ADAMTSL1: variants seen among roughly 807,000 people sequenced by gnomAD.
ADAMTSL1 encodes ADAMTS-like protein 1.
In ADAMTSL1, 126 loss-of-function variants were observed where a neutral mutation model predicts 201.8. That is an observed-to-expected ratio of 0.62 (90% CI 0.54 to 0.72). ADAMTSL1 has a LOEUF of 0.72. ADAMTSL1 is among the 30% of genes least tolerant of loss of function. The probability of loss-of-function intolerance (pLI) is 0.00; values close to 1 mark genes in which losing one functional copy is unlikely to be tolerated. For synonymous variants in ADAMTSL1, 1,121 were observed against 903.4 expected (o/e 1.24, Z -4.32); for missense variants, 2,679 against 2,277.8 (o/e 1.18, Z -3.59).
intron 1 of ADAMTSL1, among the ~76,000 whole-genome samples, chr9:18,073,608 G>A (rs969212563): frequency 1.3e-5 from 2 of 151,984 alleles, no homozygotes; most frequent in African/African-American, 4.8e-5. Context: ...GTCTTTCTTG[G>A]GTGAAAATAT....
chr9:18,859,068 G>C (rs1341154222), intron 23 of ADAMTSL1, among the ~76,000 whole-genome samples: 1 of 152,192 alleles, frequency 6.6e-6, no homozygotes, highest in Non-Finnish European at 1.5e-5. Flanking sequence ...AGATGAAAAA[G>C]TTTGTGAAAT....
chr9:18,692,340 A>G (rs923789343), intron 13 of ADAMTSL1, among the ~76,000 whole-genome samples: 2 of 152,222 alleles, frequency 1.3e-5, no homozygotes, highest in African/African-American at 4.8e-5. Flanking sequence ...AATAAACTCA[A>G]GAGAGCAGAT....
chr9:18,710,935 G>T (rs554523691), intron 14 of ADAMTSL1, among the ~76,000 whole-genome samples: 104 of 152,102 alleles, frequency 6.8e-4, no homozygotes, highest in Middle Eastern at 3.4e-3. Context: ...CACACCCACA[G>T]TACTCGTCCA....
intron 2 of ADAMTSL1, among the ~76,000 whole-genome samples, chr9:18,460,167 A>T (rs143835273): frequency 2.7e-4 from 41 of 152,328 alleles, no homozygotes; most frequent in African/African-American, 9.9e-4. Flanking sequence ...ATGATCAGCT[A>T]AGCCGCTGAG....
At chr9:18,642,554 T>A (rs571850120) in intron 7 of ADAMTSL1, among the ~76,000 whole-genome samples, 145 of 151,944 alleles carry the variant, frequency 9.5e-4, no homozygotes, top group Non-Finnish European at 1.4e-3. Context: ...AAATTTTGTA[T>A]CTTTTGACCA....
chr9:18,041,630 C>T (rs566774619), intron 1 of ADAMTSL1, among the ~76,000 whole-genome samples: 3 of 152,190 alleles, frequency 2.0e-5, no homozygotes, highest in Non-Finnish European at 2.9e-5. Context: ...CTCTATGGAG[C>T]AAAAGGTTAC....
At position 18,379,517 on chromosome 9, in the gene ADAMTSL1, T is replaced by C. The variant is rs181848833; in HGVS notation, c.208-125312T>C. On this transcript the variant is annotated intron_variant, in intron 2 of 29. Transcript: ENST00000680146. ...AATGGAAGCTGCCAGATTCATGAAT[T>C]ACAAATGATAGACAATTAGATCTGT... 1.1e-3 allele frequency among the ~76,000 whole-genome samples: 168 copies of C among 152,308 alleles called. 1 individual carries two copies. The highest frequency in any genetic ancestry group is 3.9e-3 in the African/African-American group (161 of 41,584).
intron 7 of ADAMTSL1, among the ~76,000 whole-genome samples, chr9:18,647,068 C>T (rs1447766638): frequency 1.3e-5 from 2 of 152,080 alleles, no homozygotes; most frequent in Admixed American, 1.3e-4. Context: ...AATTTCAGAT[C>T]CTGTTATTGG....
At chr9:18,109,050 A>G (rs1234976798) in intron 1 of ADAMTSL1, among the ~76,000 whole-genome samples, 1 of 152,208 alleles carries the variant, frequency 6.6e-6, no homozygotes. Flanking sequence ...TTATAAAATT[A>G]CTTCAGATAC....
At position 17,991,036 on chromosome 9, in the gene ADAMTSL1, CT is replaced by C. The variant is rs199736238; in HGVS notation, c.87+84121del. ...ATTCCAAACACGTAGCTTCATGAAA[CT>C]TTTTTTCAAGAGTTAGTTCTAGAAT... On this transcript the variant is annotated intron_variant, in intron 1 of 29. Coordinates refer to the ADAMTSL1 transcript ENST00000680146. Among the ~76,000 whole-genome samples, 1,144 of 152,176 alleles carry C rather than the reference CT, an allele frequency of 7.5e-3. 20 individuals are homozygous for C. The highest frequency in any genetic ancestry group is 0.026 in the African/African-American group (1,076 of 41,524).
Position 18,741,179 on chromosome 9 carries a change from T to C in ADAMTSL1, c.2007-12119T>C, listed in dbSNP as rs1205591674. 3.3e-5 allele frequency among the ~76,000 whole-genome samples: 5 copies of C among 152,304 alleles called. No homozygotes were observed. In the East Asian group the frequency reaches 7.7e-4, roughly 23 times the overall value. On this transcript the variant is annotated intron_variant, in intron 15 of 28. Transcript: ENST00000380548. ...GAATAGCATTTGTTACAGTATCTTATGGTTGTCTCTAAAAACCCGTAAAAT... is the reference window on the plus strand; with the variant it reads ...GAATAGCATTTGTTACAGTATCTTACGGTTGTCTCTAAAAACCCGTAAAAT...
At chr9:18,892,352 C>T (rs1199831253) in intron 25 of ADAMTSL1, 37 bp from the exon 26 acceptor site, 1 of 1,586,956 alleles carries the variant, frequency 6.3e-7, no homozygotes, top group Non-Finnish European at 8.6e-7. Flanking sequence ...AGGGCCTGTC[C>T]CTTTAGGGCT....
chr9:18,153,590 A>C (rs931133575), intron 1 of ADAMTSL1, among the ~76,000 whole-genome samples: 13 of 151,976 alleles, frequency 8.6e-5, no homozygotes, highest in Non-Finnish European at 2.9e-5. Context: ...TGCAGGGAAG[A>C]ATGGGTGAGG....
chr9:18,583,338 C>T (rs1056479943), intron 4 of ADAMTSL1, among the ~76,000 whole-genome samples: 9 of 152,214 alleles, frequency 5.9e-5, no homozygotes, highest in Admixed American at 1.3e-4. Flanking sequence ...CATACCTTAG[C>T]AGCTTCCATG....
chr9:18,888,703 G>A (rs962708094), intron 24 of ADAMTSL1, among the ~76,000 whole-genome samples: 3 of 152,184 alleles, frequency 2.0e-5, no homozygotes, highest in African/African-American at 7.2e-5. Flanking sequence ...CCATAGGCTT[G>A]TTCGACCTGT....
intron 4 of ADAMTSL1, among the ~76,000 whole-genome samples, chr9:18,599,880 C>T (rs376491665): frequency 1.2e-4 from 18 of 150,352 alleles, no homozygotes; most frequent in African/African-American, 2.7e-4. Flanking sequence ...TGGCTGGGCG[C>T]GGTGGCTCAC....
intron 25 of ADAMTSL1, 28 bp downstream of exon 25, chr9:18,889,776 C>T (rs1201096508): frequency 7.0e-7 from 1 of 1,436,384 alleles, no homozygotes; most frequent in African/African-American, 1.5e-5. Flanking sequence ...TGGCTCAGAC[C>T]TCCCCACCCT....
At chr9:18,470,283 C>G (rs1185419300), upstream of ADAMTSL1, among the ~76,000 whole-genome samples, 1 of 152,210 alleles carries the variant, frequency 6.6e-6, no homozygotes, top group Non-Finnish European at 1.5e-5. Context: ...GATTTGAAAA[C>G]TATAATGAAT....
chr9:18,677,257 A>T (rs938431040), intron 10 of ADAMTSL1, among the ~76,000 whole-genome samples: 4 of 152,038 alleles, frequency 2.6e-5, no homozygotes, highest in Admixed American at 1.3e-4. Flanking sequence ...GCTCACTCCT[A>T]CTTTCCTATG....
Sources: allele counts gnomAD v4.1 joint callset (sites outside exome capture counted in the v4.1 genomes callset), GRCh38; gene constraint gnomAD v4.1.1; transcripts MANE v1.5; gene names NCBI Gene and HGNC (gene_info 2026-07-23, HGNC 2026-07-21).